The following CCDC66 variants were observed in gnomAD, a reference collection of about 807,000 sequenced individuals.
CCDC66 encodes the protein coiled-coil domain containing 66, also known as coiled-coil domain-containing protein 66.
A neutral mutation model predicts 128.3 loss-of-function variants in CCDC66; 133 were observed. That is an observed-to-expected ratio of 1.04 (90% CI 0.90 to 1.20). The LOEUF (loss-of-function observed/expected upper bound fraction) is 1.20, where lower values mean the gene tolerates loss of function less well. Ranked by LOEUF, CCDC66 falls within the 50% of genes most tolerant of loss-of-function variation. CCDC66 has a pLI of 0.00. For missense variants in CCDC66, 1,126 were observed against 1,075.5 expected, an observed-to-expected ratio of 1.05 and a Z score of -0.66; for synonymous variants, 387 against 357.0, an observed-to-expected ratio of 1.08 and a Z score of -0.95.
intron 10 of CCDC66, among the ~76,000 whole-genome samples, chr3:56,606,229 G>A (rs1035653407): frequency 2.0e-5 from 3 of 152,036 alleles, no homozygotes; most frequent in East Asian, 1.9e-4. Context: ...AGGACCCTCC[G>A]AGCCTGACTA....
intron 7 of CCDC66, among the ~76,000 whole-genome samples, chr3:56,591,214 A>T (rs1189914418): frequency 3.3e-5 from 5 of 152,216 alleles, no homozygotes; most frequent in African/African-American, 7.2e-5. Flanking sequence ...GAAATTAAAG[A>T]CTCAACTGAG....
At chr3:56,592,326 A>T (rs912444180) in intron 7 of CCDC66, among the ~76,000 whole-genome samples, 1 of 152,198 alleles carries the variant, frequency 6.6e-6, no homozygotes, top group Non-Finnish European at 1.5e-5. Flanking sequence ...TTTTAAATTA[A>T]TAACTCTTTC....
Position 56,559,554 on chromosome 3 carries a change from T to A in CCDC66, c.77-15T>A, listed in dbSNP as rs1465421121. 6.6e-7 allele frequency: 1 copy of A among 1,516,534 alleles called. No homozygotes were observed. The highest frequency in any genetic ancestry group is 8.9e-7 in the Non-Finnish European group (1 of 1,123,784). 93.9% of individuals were successfully genotyped at this position (1,516,534 alleles called of 1,614,324 possible). A position where few individuals can be genotyped will look rare whatever the true frequency, so the allele number is the denominator to read the frequency against. On this transcript the variant is annotated splice_polypyrimidine_tract_variant and intron_variant, in intron 2 of 17. Transcript: ENST00000394672. ...TTTTGGTGGATAGTTTAGTAATTTC[T>A]TTTTTCTTTTGTAGAACATAAATCA...
At position 56,617,576 on chromosome 3, in the gene CCDC66, T is replaced by A; in HGVS notation, c.2308T>A (p.Ser770Thr). ...TCATTCATCTCATCAAGAAACGGAG[T>A]CAAAGTTGAGGTGGCATCTAGTCAA... Reference protein sequence around the residue: ...IFHSSHQETESKLRWHLVKKE... With the variant: ...IFHSSHQETETKLRWHLVKKE... The change falls in exon 14 of 18, where the codon TCA (serine) becomes ACA (threonine). Residue 770 changes from serine (S) to threonine (T), a missense_variant. Transcript: ENST00000394672. 6.2e-7 allele frequency: 1 copy of A among 1,606,368 alleles called. No homozygotes were observed. The highest frequency in any genetic ancestry group is 8.5e-7 in the Non-Finnish European group (1 of 1,177,968).
chr3:56,615,664 GAACT>G (rs1386434885), intron 12 of CCDC66, among the ~76,000 whole-genome samples: 1 of 152,218 alleles, frequency 6.6e-6, no homozygotes, highest in South Asian at 2.1e-4. Flanking sequence ...AATAAAAGCA[GAACT>G]AAAGGTTAAA....
At chr3:56,599,679 G>T (rs282535) in intron 10 of CCDC66, among the ~76,000 whole-genome samples, 146,005 of 152,112 alleles carry the variant, frequency 0.96, 70,429 homozygotes, top group East Asian at 1. Context: ...TCTATTTATT[G>T]GTACAGTTGC....
intron 3 of CCDC66, among the ~76,000 whole-genome samples, chr3:56,560,661 A>G (rs1036275407): frequency 6.6e-6 from 1 of 152,220 alleles, no homozygotes; most frequent in African/African-American, 2.4e-5. Flanking sequence ...TGGAGGTTGT[A>G]GTGAGCCGAG....
rs779428512 is a variant in CCDC66, at chr3:56,619,277, A to T, written c.2385A>T (p.Pro795=). 1 of 1,592,996 alleles carries T rather than the reference A, an allele frequency of 6.3e-7. No homozygotes were observed. Among genetic ancestry groups the T allele is most frequent in the Middle Eastern group, 1.7e-4 (1 of 5,888 alleles). ...NIHSFSKERS[P]SSPVPVVKNR... ...CTATTTTTTTTTTAAATAGGTCTCC[A>T]TCATCACCAGTTCCAGTAGTGAAAA... The change falls in exon 16 of 18, where the codon CCA becomes CCT. Residue 795 remains proline (P), a synonymous_variant. Coordinates refer to ENST00000394672, the MANE Select transcript of CCDC66 (RefSeq NM_001141947.3).
chr3:56,618,280 A>G, intron 15 of CCDC66, 68 bp downstream of exon 15: 2 of 1,296,236 alleles, frequency 1.5e-6, no homozygotes, highest in East Asian at 2.3e-5. Context: ...AAGGGATTCA[A>G]GATCTGGACA....
intron 7 of CCDC66, among the ~76,000 whole-genome samples, chr3:56,585,126 G>T (rs2069421163): frequency 1.6e-5 from 1 of 61,784 alleles, no homozygotes; most frequent in African/African-American, 3.4e-5. Flanking sequence ...AGGGGGAGAG[G>T]GAGAGGGAGG....
At chr3:56,621,501 T>TACTA (rs1369219182) in intron 17 of CCDC66, 31 bp from the exon 18 acceptor site, 1 of 1,407,614 alleles carries the variant, frequency 7.1e-7, no homozygotes, top group Non-Finnish European at 9.8e-7. Context: ...GTGCACATTT[T>TACTA]ACTAACAAAC....
At chr3:56,583,891 C>G (rs1447461479) in intron 7 of CCDC66, among the ~76,000 whole-genome samples, 1 of 141,776 alleles carries the variant, frequency 7.1e-6, no homozygotes, top group Non-Finnish European at 1.5e-5. Context: ...GAGGCGCCCC[C>G]CACCTCCCGG....
chr3:56,582,592 G>A (rs959492), intron 7 of CCDC66, among the ~76,000 whole-genome samples: 149,914 of 151,772 alleles, frequency 0.99, 74,072 homozygotes, highest in Middle Eastern at 1. Context: ...AGATTAGTAT[G>A]TAGAAACACA....
At chr3:56,562,733 G>T (rs143034863) in intron 3 of CCDC66, among the ~76,000 whole-genome samples, 10,344 of 151,946 alleles carry the variant, frequency 0.068, 490 homozygotes, top group Non-Finnish European at 0.1. Context: ...CTGCCTTCTG[G>T]GTTCAAGCGA....
At chr3:56,604,291 T>G (rs957179217) in intron 10 of CCDC66, among the ~76,000 whole-genome samples, 1 of 152,054 alleles carries the variant, frequency 6.6e-6, no homozygotes, top group African/African-American at 2.4e-5. Context: ...AGGTTTATAT[T>G]GTTATGTGTG....
intron 13 of CCDC66, 39 bp from the exon 14 acceptor site, chr3:56,617,073 G>A (rs1463849602): frequency 7.1e-7 from 1 of 1,412,302 alleles, no homozygotes; most frequent in Non-Finnish European, 9.5e-7. Context: ...TGAAAATTTT[G>A]TTTACAATTT....
rs188661288 is a variant in CCDC66, at chr3:56,559,561, T to C, written c.77-8T>C. The C allele has an allele frequency of 3.9e-6, 6 of 1,528,562 alleles. No homozygotes were observed. The Admixed American group carries it at 1.2e-4, about 32-fold the overall frequency. 94.7% of individuals were successfully genotyped at this position (1,528,562 alleles called of 1,614,324 possible). On this transcript the variant is annotated splice_polypyrimidine_tract_variant and splice_region_variant and intron_variant, in intron 2 of 17. Transcript: ENST00000394672. ...GGATAGTTTAGTAATTTCTTTTTTC[T>C]TTTGTAGAACATAAATCAAAAATTT... is the stretch of plus-strand genomic sequence containing the variant.
chr3:56,602,755 T>C (rs958847204), intron 10 of CCDC66, among the ~76,000 whole-genome samples: 1 of 151,916 alleles, frequency 6.6e-6, no homozygotes, highest in African/African-American at 2.4e-5. Context: ...TTTTCTAGTT[T>C]ATTTGTGTAG....
At chr3:56,609,222 G>A (rs1030045389) in intron 10 of CCDC66, among the ~76,000 whole-genome samples, 3 of 152,084 alleles carry the variant, frequency 2.0e-5, no homozygotes, top group African/African-American at 7.2e-5. Context: ...CACTATTATG[G>A]TGTTGCTATC....
Sources: allele counts gnomAD v4.1 joint callset (sites outside exome capture counted in the v4.1 genomes callset), GRCh38; gene constraint gnomAD v4.1.1; transcripts MANE v1.5; gene names NCBI Gene and HGNC (gene_info 2026-07-23, HGNC 2026-07-21).